GOLGA3: variants seen among roughly 807,000 people sequenced by gnomAD.
The protein encoded by GOLGA3 is golgin subfamily A member 3.
Under a neutral mutation model 169.4 loss-of-function variants are expected in GOLGA3, and 75 were observed. The ratio of observed to expected loss-of-function variants is 0.44; its 90% CI spans 0.37 to 0.54. The LOEUF (loss-of-function observed/expected upper bound fraction) is 0.54, where lower values mean the gene tolerates loss of function less well. Among genes scored for constraint, GOLGA3 ranks in the 20% least tolerant of loss-of-function variants. GOLGA3 has a pLI of 0.00. For synonymous variants in GOLGA3, 824 were observed against 822.4 expected (o/e 1.00, Z -0.03); for missense variants, 1,899 against 1,930.0 (o/e 0.98, Z 0.30).
chr12:132,828,138 G>A (rs1950498465), intron 1 of GOLGA3, among the ~76,000 whole-genome samples: 1 of 152,134 alleles, frequency 6.6e-6, no homozygotes, highest in Non-Finnish European at 1.5e-5. Context: ...TCGTCATAGA[G>A]GCCTTAGCAC....
chr12:132,806,875 G>GA (rs566466043), intron 6 of GOLGA3, among the ~76,000 whole-genome samples: 1 of 152,258 alleles, frequency 6.6e-6, no homozygotes, highest in South Asian at 2.1e-4. Context: ...CACCATGCCA[G>GA]AAAAAGCTGC....
Position 132,808,244 on chromosome 12 carries a change from C to G in GOLGA3, c.825G>C (p.Gln275His), listed in dbSNP as rs980186530. The G allele has an allele frequency of 8.1e-6, 13 of 1,613,960 alleles. No individual in the cohort carries two copies. Among genetic ancestry groups the G allele is most frequent in the South Asian group, 3.3e-5 (3 of 91,080 alleles). The change falls in exon 5 of 24, where the codon CAG (glutamine) becomes CAC (histidine). Residue 275 changes from glutamine to histidine, a missense_variant. By Grantham distance (24) the Gln-to-His change is conservative (BLOSUM62 0). Coordinates refer to ENST00000450791, the MANE Select transcript of GOLGA3 (RefSeq NM_001389683.1). Reference protein sequence around the residue: ...APDSTKGSLKQNRSSAASVVS... With the variant: ...APDSTKGSLKHNRSSAASVVS... ...CAACGGACGCCGCACTGCTTCTGTT[C>G]TGCTTCAGGGAACCCTTGGTAGAAT...
Position 132,816,608 on chromosome 12 carries a change from T to C in GOLGA3, c.338A>G (p.Glu113Gly). The change falls in exon 3 of 24, where the codon GAG becomes GGG. Residue 113 changes from glutamate to glycine, a missense_variant. Transcript: ENST00000450791. ...CAAAGCTTCTTTTCTAACACTGCCC[T>C]CAGCACTAGTTCCCTGAGACTTCCT... ...NLRKSQGTSA[E>G]GSVRKEALQS... The C allele has an allele frequency of 6.2e-7, 1 of 1,614,118 alleles. No homozygotes were observed. Among genetic ancestry groups the C allele is most frequent in the Non-Finnish European group, 8.5e-7 (1 of 1,179,974 alleles).
intron 18 of GOLGA3, 46 bp downstream of exon 18, chr12:132,780,752 T>C: frequency 1.7e-6 from 2 of 1,186,472 alleles, no homozygotes; most frequent in Non-Finnish European, 2.5e-6. Context: ...TTCTAGGCAC[T>C]GGAGCGTCCT....
At chr12:132,810,811 T>C (rs1193509914) in intron 4 of GOLGA3, among the ~76,000 whole-genome samples, 3 of 152,100 alleles carry the variant, frequency 2.0e-5, no homozygotes, top group African/African-American at 7.2e-5. Flanking sequence ...GGGCCTGACG[T>C]CAGTCAGGCC....
chr12:132,782,603 G>A lies in GOLGA3; in HGVS notation c.3268-110C>T, dbSNP rs2045665541. The A allele has an allele frequency of 4.7e-6, 4 of 848,728 alleles. 1 individual carries two copies. Among genetic ancestry groups the A allele is most frequent in the South Asian group, 4.2e-5 (3 of 72,248 alleles). 52.6% of individuals were successfully genotyped at this position (848,728 alleles called of 1,614,324 possible). On this transcript the variant is annotated intron_variant, in intron 16 of 23. Coordinates refer to ENST00000450791, the MANE Select transcript of GOLGA3 (RefSeq NM_001389683.1). Reference sequence around the variant, plus strand: ...GAAACAGCGAAAACTTAGGCCAGGCGCAGAGGCTCACGCCTGTAATCACAG... The same window carrying A: ...GAAACAGCGAAAACTTAGGCCAGGCACAGAGGCTCACGCCTGTAATCACAG...
intron 17 of GOLGA3, among the ~76,000 whole-genome samples, chr12:132,781,952 C>T (rs551152383): frequency 3.9e-5 from 6 of 152,218 alleles, no homozygotes; most frequent in East Asian, 1.9e-4. Context: ...GTCTGCCCCC[C>T]GACTAAGCAG....
rs754204294 is a variant in GOLGA3, at chr12:132,808,143, T to C, written c.926A>G (p.Glu309Gly). 6.2e-7 allele frequency: 1 copy of C among 1,610,838 alleles called. No homozygotes were observed. Among genetic ancestry groups the C allele is most frequent in the African/African-American group, 1.3e-5 (1 of 74,804 alleles). The stretch of plus-strand genomic sequence containing the variant: ...GCTGTCGCTGTCATTTCCATCCACC[T>C]CAGACACGCTGTCTCCAGCCAGGGA... ...NTSLAGDSVS[E>G]VDGNDSDSSS... The change falls in exon 5 of 24, where the codon GAG (glutamate) becomes GGG (glycine). Residue 309 changes from glutamate to glycine, a missense_variant. Transcript: ENST00000450791.
rs927559474 is a variant in GOLGA3 at position 132,791,198 on chromosome 12, T to A, written c.2547+18A>T. The stretch of plus-strand genomic sequence containing the variant: ...CATATGCTTGTTTCAAGTGAAGAAA[T>A]CAACAACAGATTTTTACCTTTTGTT... On this transcript the variant is annotated intron_variant, in intron 12 of 23. Transcript: ENST00000450791. 13 of 1,467,006 alleles carry A rather than the reference T, an allele frequency of 8.9e-6. No homozygotes were observed. Among genetic ancestry groups the A allele is most frequent in the African/African-American group, 1.4e-5 (1 of 71,440 alleles). The allele number at this position is 1,467,006 out of a possible 1,614,324, so 90.9% of individuals were successfully genotyped here. A position where few individuals can be genotyped will look rare whatever the true frequency, so the allele number is the denominator to read the frequency against.
Position 132,807,255 on chromosome 12 carries a change from CTG to C in GOLGA3, c.1210_1211del (p.Gln404GlyfsTer29), listed in dbSNP as rs1439582903. ...VSLESSAAET[Q>X]EEMLQVLKEK... ...CTTTGAGCACCTGCAGCATCTCCTCCTGTGTTTCTGCTGCAGAGCTCTCCAAG... is the reference window on the plus strand; with the variant it reads ...CTTTGAGCACCTGCAGCATCTCCTCCTGTTTCTGCTGCAGAGCTCTCCAAG... On this transcript the variant is annotated frameshift_variant, in exon 6 of 24. Coordinates refer to ENST00000450791, the MANE Select transcript of GOLGA3 (RefSeq NM_001389683.1). LOFTEE classifies it high-confidence loss of function. 1 of 1,588,942 alleles carries C rather than the reference CTG, an allele frequency of 6.3e-7. No homozygotes were observed. Among genetic ancestry groups the C allele is most frequent in the Non-Finnish European group, 8.6e-7 (1 of 1,165,910 alleles).
In GOLGA3 at chr12:132,804,063, C is replaced by T. The variant is rs890780783; in HGVS notation, c.1597+653G>A. On this transcript the variant is annotated intron_variant, in intron 7 of 23. Transcript: ENST00000450791. This position sits in a 1 kb window ranked among gnomAD's most constrained non-coding sequence, Gnocchi z 4.1. ...GGGCGGGGACTGAGGGGGTGGAAGGCGTGCTGCCAAGCCACATGGAAGCCC... is the reference window on the plus strand; with the variant it reads ...GGGCGGGGACTGAGGGGGTGGAAGGTGTGCTGCCAAGCCACATGGAAGCCC... Among the ~76,000 whole-genome samples the T allele has an allele frequency of 6.6e-6, 1 of 152,146 alleles. No individual in the cohort carries two copies. Among genetic ancestry groups the T allele is most frequent in the East Asian group, 1.9e-4 (1 of 5,178 alleles).
intron 20 of GOLGA3, 74 bp downstream of exon 20, chr12:132,776,884 A>G (rs1359361752): frequency 1.9e-6 from 3 of 1,546,440 alleles, no homozygotes; most frequent in Admixed American, 1.9e-5. Flanking sequence ...GTTGCTCCCC[A>G]AGCAGGATGG....
Position 132,791,247 on chromosome 12 carries a change from T to A in GOLGA3, c.2516A>T (p.Gln839Leu). Residue 839 changes from glutamine (Q) to leucine (L), a missense_variant, in exon 12 of 24, where the codon CAA (glutamine) becomes CTA (leucine). Transcript: ENST00000450791. ...TTGGAGAAACTGTTCCTTTATTTTT[T>A]GCATTTGCTTTTTCAGAGCAGCAGT... Reference protein sequence around the residue: ...QETAALKKQMQKIKEQFLQQK... With the variant: ...QETAALKKQMLKIKEQFLQQK... The A allele has an allele frequency of 6.2e-7, 1 of 1,608,162 alleles. No homozygotes were observed. Among genetic ancestry groups the A allele is most frequent in the Non-Finnish European group, 8.5e-7 (1 of 1,175,340 alleles).
Position 132,809,851 on chromosome 12 carries a change from T to C in GOLGA3, c.520-1302A>G, listed in dbSNP as rs146420082. Among the ~76,000 whole-genome samples, 191 of 152,372 alleles carry C rather than the reference T, an allele frequency of 1.3e-3. 1 individual carries two copies. The highest frequency in any genetic ancestry group is 4.2e-3 in the African/African-American group (173 of 41,584). On this transcript the variant is annotated intron_variant, in intron 4 of 23. Transcript: ENST00000450791. ...ACTGGAACAGCCCGTGTCCTCTGTC[T>C]CTTGCCTCGGTGCCTGAGTGGCTTG...
At chr12:132,773,358 G>A in intron 23 of GOLGA3, 64 bp from the exon 24 acceptor site, 1 of 1,060,058 alleles carries the variant, frequency 9.4e-7, no homozygotes, top group South Asian at 1.8e-5. Flanking sequence ...CGCGCCACCT[G>A]TGGACAGCGT....
chr12:132,793,698 G>A lies in GOLGA3; in HGVS notation c.2469+2154C>T, dbSNP rs1164194502. On this transcript the variant is annotated intron_variant, in intron 11 of 23. Transcript: ENST00000450791. ...CACACAGACCCACCGCACGGGACCC[G>A]CACTCGGAGGGCTCCACACAGACCC... Among the ~76,000 whole-genome samples, 21 of 144,448 alleles carry A rather than the reference G, an allele frequency of 1.5e-4. 1 individual carries two copies. In the Admixed American group the frequency reaches 1.5e-3, roughly 10 times the overall value. 94.8% of individuals were successfully genotyped at this position (144,448 alleles called of 152,430 possible).
Position 132,777,935 on chromosome 12 carries a change from G to A in GOLGA3, c.3583-130C>T. On this transcript the variant is annotated intron_variant, in intron 18 of 23. Transcript: ENST00000450791. This position sits in a 1 kb window ranked among gnomAD's most constrained non-coding sequence, Gnocchi z 4.7. Reference sequence around the variant, plus strand: ...GGCTGCCGGCGTGTGCTTCTCCACAGGCCTGTCAAGTTCCTTGTAAAGATG... The same window carrying A: ...GGCTGCCGGCGTGTGCTTCTCCACAAGCCTGTCAAGTTCCTTGTAAAGATG... The A allele has an allele frequency of 1.0e-6, 1 of 974,020 alleles. No homozygotes were observed. The highest frequency in any genetic ancestry group is 1.5e-6 in the Non-Finnish European group (1 of 671,024). The allele number at this position is 974,020 out of a possible 1,614,324, so 60.3% of individuals were successfully genotyped here. A position where few individuals can be genotyped will look rare whatever the true frequency, so the allele number is the denominator to read the frequency against.
rs749187241 is a variant in GOLGA3 at position 132,795,960 on chromosome 12, A to G, written c.2361T>C (p.Ser787=). 1.2e-6 allele frequency: 2 copies of G among 1,613,674 alleles called. No individual in the cohort carries two copies. Among genetic ancestry groups the G allele is most frequent in the South Asian group, 1.1e-5 (1 of 91,068 alleles). ...CTCCTCTGTCAAGCTCCTCCTTGCC[A>G]CTCTTGGCCGCCTGCAAAGCCGCCT... ...ILEAALQAAK[S]GKEELDRGAR... is the part of the protein sequence containing the mutation. Residue 787 remains serine, a synonymous_variant, in exon 11 of 24, where the codon AGT becomes AGC. Transcript: ENST00000450791.
Position 132,770,052 on chromosome 12 carries a change from G to A in GOLGA3, c.*3053C>T, listed in dbSNP as rs569933871. The A allele has an allele frequency of 6.6e-6, 1 of 152,238 alleles. No homozygotes were observed. The highest frequency in any genetic ancestry group is 2.1e-4 in the South Asian group (1 of 4,818). 9.4% of individuals were successfully genotyped at this position (152,238 alleles called of 1,614,324 possible). On this transcript the variant is annotated 3_prime_UTR_variant, in exon 24 of 24. Transcript: ENST00000450791. Reference sequence around the variant, plus strand: ...AGTTCAAGACCAGCCTGGCCAACATGGTGGAACTCCACCCCTCTAAAAATA... The same window carrying A: ...AGTTCAAGACCAGCCTGGCCAACATAGTGGAACTCCACCCCTCTAAAAATA...
Sources: allele counts gnomAD v4.1 joint callset (sites outside exome capture counted in the v4.1 genomes callset), GRCh38; gene constraint gnomAD v4.1.1; non-coding constraint Gnocchi (gnomAD v3.1); transcripts MANE v1.5; gene names NCBI Gene and HGNC (gene_info 2026-07-23, HGNC 2026-07-21).